Variants in TANC1 observed in about 807,000 individuals in gnomAD.
TANC1 encodes the protein tetratricopeptide repeat, ankyrin repeat and coiled-coil containing 1, also known as protein TANC1.
Under a neutral mutation model 149.7 loss-of-function variants are expected in TANC1, and 77 were observed. The ratio of observed to expected loss-of-function variants is 0.51; its 90% CI spans 0.43 to 0.62. TANC1 has a LOEUF of 0.62. TANC1 is among the 20% of genes least tolerant of loss of function. The probability of loss-of-function intolerance (pLI) is 0.00; values close to 1 mark genes in which losing one functional copy is unlikely to be tolerated. For synonymous variants in TANC1, 854 were observed against 925.0 expected, an observed-to-expected ratio of 0.92 and a Z score of 1.39; for missense variants, 1,985 against 2,321.8, an observed-to-expected ratio of 0.85 and a Z score of 2.98.
chr2:159,072,951 G>T (rs1158850952), intron 3 of TANC1, among the ~76,000 whole-genome samples: 1 of 152,182 alleles, frequency 6.6e-6, no homozygotes, highest in Non-Finnish European at 1.5e-5. Context: ...CAAAACTGGG[G>T]AAGCTCTGAG....
intron 2 of TANC1, among the ~76,000 whole-genome samples, chr2:159,041,332 C>T (rs542511635): frequency 4.6e-5 from 7 of 152,156 alleles, no homozygotes; most frequent in East Asian, 3.9e-4. Flanking sequence ...CAGACAGGGA[C>T]GTTTAAGTCT....
chr2:159,005,205 G>A (rs2037040107), intron 2 of TANC1, among the ~76,000 whole-genome samples: 1 of 152,216 alleles, frequency 6.6e-6, no homozygotes, highest in Non-Finnish European at 1.5e-5. Flanking sequence ...GTGCTGCAGA[G>A]ATTTTGTTTA....
intron 4 of TANC1, among the ~76,000 whole-genome samples, chr2:159,107,632 A>T (rs2047317692): frequency 1.3e-5 from 2 of 152,210 alleles, no homozygotes; most frequent in South Asian, 4.1e-4. Flanking sequence ...CTCTTGACCA[A>T]ATCATTGTTG....
At chr2:159,154,741 TA>T (rs1159219600) in intron 7 of TANC1, among the ~76,000 whole-genome samples, 2 of 152,202 alleles carry the variant, frequency 1.3e-5, no homozygotes, top group African/African-American at 2.4e-5. Flanking sequence ...TTTATTTTTT[TA>T]AGTGAACTTC....
chr2:158,983,234 A>G (rs1339115741), intron 1 of TANC1, among the ~76,000 whole-genome samples: 1 of 151,842 alleles, frequency 6.6e-6, no homozygotes, highest in African/African-American at 2.4e-5. Flanking sequence ...TGGGAGGCCG[A>G]GGTGGGTTGG....
At chr2:159,102,228 A>G (rs1482701761) in intron 4 of TANC1, among the ~76,000 whole-genome samples, 1 of 152,064 alleles carries the variant, frequency 6.6e-6, no homozygotes, top group Non-Finnish European at 1.5e-5. Context: ...TGCTCCACCT[A>G]AACCTGAGAC....
At chr2:159,140,686 ATTTTTTTT>A (rs375936311) in intron 5 of TANC1, among the ~76,000 whole-genome samples, 2 of 109,802 alleles carry the variant, frequency 1.8e-5, no homozygotes, top group Non-Finnish European at 3.5e-5. Context: ...GAGATTCTCT[ATTTTTTTT>A]TTTTTTTTTT....
chr2:159,089,466 C>T (rs1225892176), intron 3 of TANC1, among the ~76,000 whole-genome samples: 1 of 152,174 alleles, frequency 6.6e-6, no homozygotes, highest in Non-Finnish European at 1.5e-5. Context: ...CTCTTTACTT[C>T]TCAATTCCTT....
chr2:159,219,403 C>G, intron 21 of TANC1, 42 bp downstream of exon 21: 2 of 1,612,576 alleles, frequency 1.2e-6, no homozygotes, highest in Non-Finnish European at 1.7e-6. Flanking sequence ...TGGACGGACA[C>G]AGAGAGAACT....
chr2:159,090,818 C>T (rs1282241946), intron 3 of TANC1, among the ~76,000 whole-genome samples: 1 of 152,174 alleles, frequency 6.6e-6, no homozygotes, highest in African/African-American at 2.4e-5. Context: ...ATGTCCAGTA[C>T]CCACGGAGAG....
rs78866766 is a variant in TANC1 at position 158,983,677 on chromosome 2, G to A, written c.-126+14895G>A. ...TTAGAACAATACACTTTATTTAGGTGGAATAAGTCTATTGTACTGTGCTCA... is the reference window on the plus strand; with the variant it reads ...TTAGAACAATACACTTTATTTAGGTAGAATAAGTCTATTGTACTGTGCTCA... On this transcript the variant is annotated intron_variant, in intron 1 of 26. Transcript: ENST00000263635. Among the ~76,000 whole-genome samples, 566 of 152,084 alleles carry A rather than the reference G, an allele frequency of 3.7e-3. 5 individuals are homozygous for A. Among genetic ancestry groups the A allele is most frequent in the African/African-American group, 0.013 (538 of 41,496 alleles).
At chr2:159,154,186 A>G (rs1171883495) in intron 7 of TANC1, among the ~76,000 whole-genome samples, 1 of 152,206 alleles carries the variant, frequency 6.6e-6, no homozygotes, top group Non-Finnish European at 1.5e-5. Flanking sequence ...GGCTCAAAGC[A>G]GGGTTCCACA....
chr2:159,096,554 G>T (rs2046160683), intron 3 of TANC1, among the ~76,000 whole-genome samples: 1 of 152,214 alleles, frequency 6.6e-6, no homozygotes, highest in South Asian at 2.1e-4. Flanking sequence ...CTGGACAGGG[G>T]AGGGGCAGGA....
rs969273108 is a variant in TANC1, at chr2:159,070,437, G to A, written c.61+4466G>A. 2.0e-5 allele frequency among the ~76,000 whole-genome samples: 3 copies of A among 152,100 alleles called. No individual in the cohort carries two copies. The South Asian group carries it at 6.2e-4, about 31-fold the overall frequency. On this transcript the variant is annotated intron_variant, in intron 3 of 26. Transcript: ENST00000263635. ...CATTATTATCACCCAAAGTCCATAG[G>A]TTACATCAGGTTCACTCTTGATATT...
At position 159,187,085 on chromosome 2, in the gene TANC1, T is replaced by C. The variant is rs1468676941; in HGVS notation, c.2742+61T>C. On this transcript the variant is annotated intron_variant, in intron 16 of 26. Coordinates refer to ENST00000263635, the MANE Select transcript of TANC1 (RefSeq NM_033394.3). ...GCCCTGGCCGGCTGCTGGCCGTTCC[T>C]CCAACAGCCCTGTTTCCCTCTGCCC... 3.8e-6 allele frequency: 6 copies of C among 1,591,000 alleles called. No individual in the cohort carries two copies. The African/African-American group carries it at 8.1e-5, about 21-fold the overall frequency.
Position 159,185,803 on chromosome 2 carries a change from G to A in TANC1, c.2523G>A (p.Ala841=), listed in dbSNP as rs201739308. ...AFLCEPRNGH[A]LLAFMFSRQE... is the part of the protein sequence containing the mutation. ...TTCCTTCCCCTAGGAACGGGCACGCGCTCTTGGCATTCATGTTCTCGCGTC... is the reference window on the plus strand; with the variant it reads ...TTCCTTCCCCTAGGAACGGGCACGCACTCTTGGCATTCATGTTCTCGCGTC... Residue 841 remains alanine (A), a synonymous_variant, in exon 15 of 27, where the codon GCG becomes GCA. Coordinates refer to ENST00000263635, the MANE Select transcript of TANC1 (RefSeq NM_033394.3). The A allele has an allele frequency of 1.3e-4, 205 of 1,613,788 alleles. 1 individual carries two copies. In the Admixed American group the frequency reaches 3.1e-3, roughly 24 times the overall value.
intron 7 of TANC1, among the ~76,000 whole-genome samples, chr2:159,159,993 C>A (rs1289852317): frequency 1.3e-5 from 2 of 151,404 alleles, no homozygotes; most frequent in East Asian, 1.9e-4. Flanking sequence ...CCATATTATT[C>A]AAAAAAAAGA....
chr2:159,104,883 G>A lies in TANC1; in HGVS notation c.259+7049G>A, dbSNP rs559595347. On this transcript the variant is annotated intron_variant, in intron 4 of 26. Coordinates refer to ENST00000263635, the MANE Select transcript of TANC1 (RefSeq NM_033394.3). ...CAGCTCTTGCTTAATATTTTATCAC[G>A]AGCAATTTCCAGTTTACTTGAAGAG... Among the ~76,000 whole-genome samples, 7 of 115,210 alleles carry A rather than the reference G, an allele frequency of 6.1e-5. No individual in the cohort carries two copies. In the East Asian group the frequency reaches 1.9e-3, roughly 31 times the overall value. 75.6% of individuals were successfully genotyped at this position (115,210 alleles called of 152,430 possible).
Position 159,008,804 on chromosome 2 carries a change from C to CA in TANC1, c.-16+7618dup, listed in dbSNP as rs1398306054. ...TCTTTAATTGAATACATCTTAGAGACAAAGTATTCGGTTGATCTATTAAAC... is the reference window on the plus strand; with the variant it reads ...TCTTTAATTGAATACATCTTAGAGACAAAAGTATTCGGTTGATCTATTAAAC... On this transcript the variant is annotated intron_variant, in intron 2 of 26. Transcript: ENST00000263635. 1.9e-4 allele frequency among the ~76,000 whole-genome samples: 29 copies of CA among 152,226 alleles called. 1 individual carries two copies. The highest frequency in any genetic ancestry group is 6.7e-4 in the African/African-American group (28 of 41,532).
Sources: allele counts gnomAD v4.1 joint callset (sites outside exome capture counted in the v4.1 genomes callset), GRCh38; gene constraint gnomAD v4.1.1; transcripts MANE v1.5; gene names NCBI Gene and HGNC (gene_info 2026-07-23, HGNC 2026-07-21).